Variants in DECR1 observed in about 807,000 individuals in gnomAD.
DECR1 encodes the protein 2,4-dienoyl-CoA reductase 1.
DECR1 carries 44 observed loss-of-function variants against 38.8 expected under a neutral mutation model. That is an observed-to-expected ratio of 1.13 (90% CI 0.89 to 1.46). The LOEUF (loss-of-function observed/expected upper bound fraction) is 1.46, where lower values mean the gene tolerates loss of function less well. DECR1 is among the 40% of genes most tolerant of loss of function. The pLI is 0.00. For synonymous variants in DECR1, 148 were observed against 135.2 expected (o/e 1.09, Z -0.66); for missense variants, 428 against 405.5 (o/e 1.06, Z -0.48).
At position 90,053,543 on chromosome 8, in the gene DECR1, G is replaced by A. The variant is rs1814144449; in HGVS notation, c.*1646G>A. Among the ~76,000 whole-genome samples the A allele has an allele frequency of 6.6e-6, 1 of 151,978 alleles. No homozygotes were observed. The highest frequency in any genetic ancestry group is 2.1e-4 in the South Asian group (1 of 4,826). ...CAAAGACACACTCTTTCCCTCCACT[G>A]ATTCCACCAGTATAGCCATATTTCT... On this transcript the variant is annotated 3_prime_UTR_variant, in exon 10 of 10. Coordinates refer to ENST00000220764, the MANE Select transcript of DECR1 (RefSeq NM_001359.2).
chr8:90,009,919 A>G (rs981174286), intron 1 of DECR1, among the ~76,000 whole-genome samples: 3 of 152,248 alleles, frequency 2.0e-5, no homozygotes, highest in Non-Finnish European at 4.4e-5. Flanking sequence ...AATGAGATGT[A>G]CACCCTATGG....
chr8:90,022,898 T>A (rs1444987796), intron 5 of DECR1, among the ~76,000 whole-genome samples: 1 of 152,218 alleles, frequency 6.6e-6, no homozygotes, highest in East Asian at 1.9e-4. Flanking sequence ...CACATTGGAT[T>A]AAAATTCTAT....
chr8:90,001,486 ACT>A lies in DECR1; in HGVS notation c.-5_-4del, dbSNP rs768324790. The A allele has an allele frequency of 6.2e-7, 1 of 1,613,708 alleles. No homozygotes were observed. Among genetic ancestry groups the A allele is most frequent in the Non-Finnish European group, 8.5e-7 (1 of 1,179,828 alleles). On this transcript the variant is annotated 5_prime_UTR_variant, in exon 1 of 10. Transcript: ENST00000220764. Reference sequence around the variant, plus strand: ...CCGCCTTCCGGCCCGAGTTCTGGAGACTCAACATGAAGCTACCGGCCAGGGTT... The same window carrying A: ...CCGCCTTCCGGCCCGAGTTCTGGAGACAACATGAAGCTACCGGCCAGGGTT...
chr8:90,007,190 A>G (rs887823708), intron 1 of DECR1, among the ~76,000 whole-genome samples: 31 of 152,222 alleles, frequency 2.0e-4, no homozygotes, highest in African/African-American at 6.7e-4. Flanking sequence ...AATCCTGAGT[A>G]CTTTGTTTTC....
At chr8:90,025,537 G>C (rs1813311088) in intron 5 of DECR1, among the ~76,000 whole-genome samples, 2 of 152,162 alleles carry the variant, frequency 1.3e-5, no homozygotes, top group Non-Finnish European at 2.9e-5. Context: ...TGTTATTGCT[G>C]TATAGGAATG....
chr8:90,053,076 G>C lies in DECR1; in HGVS notation c.*1179G>C, dbSNP rs528248976. Among the ~76,000 whole-genome samples, 4 of 152,080 alleles carry C rather than the reference G, an allele frequency of 2.6e-5. No individual in the cohort carries two copies. The highest frequency in any genetic ancestry group is 2.6e-4 in the Admixed American group (4 of 15,260). Reference sequence around the variant, plus strand: ...ATTTCCAATTATACTGACTTTCACTGGGCTTTTTTTTAGGCTGTTGCACTT... The same window carrying C: ...ATTTCCAATTATACTGACTTTCACTCGGCTTTTTTTTAGGCTGTTGCACTT... On this transcript the variant is annotated 3_prime_UTR_variant, in exon 10 of 10. Coordinates refer to ENST00000220764, the MANE Select transcript of DECR1 (RefSeq NM_001359.2).
At chr8:90,037,063 T>C in intron 6 of DECR1, 123 bp downstream of exon 6, 1 of 661,202 alleles carries the variant, frequency 1.5e-6, no homozygotes, top group South Asian at 1.9e-5. Context: ...GGATTCACCA[T>C]GAGACATACA....
rs576922720 is a variant in DECR1 at position 90,038,374 on chromosome 8, A to C, written c.665+1434A>C. ...ACTTTGTTTAATCCAATCTAGTGAG[A>C]GGACAAACACTAATAAATAGATTCT... On this transcript the variant is annotated intron_variant, in intron 6 of 9. Transcript: ENST00000220764. Among the ~76,000 whole-genome samples the C allele has an allele frequency of 4.0e-5, 6 of 151,776 alleles. No homozygotes were observed. In the South Asian group the frequency reaches 1.2e-3, roughly 31 times the overall value.
intron 5 of DECR1, among the ~76,000 whole-genome samples, chr8:90,033,893 T>G (rs1379987179): frequency 6.6e-6 from 1 of 152,204 alleles, no homozygotes; most frequent in African/African-American, 2.4e-5. Flanking sequence ...GCAGTTTTTT[T>G]TCTTTTGTAA....
intron 6 of DECR1, among the ~76,000 whole-genome samples, chr8:90,041,011 ATG>A (rs1238695094): frequency 1.3e-5 from 2 of 152,184 alleles, no homozygotes; most frequent in African/African-American, 4.8e-5. Context: ...GCTGGGTCAA[ATG>A]GTATTTCTAG....
chr8:90,053,618 ATAT>A lies in DECR1; in HGVS notation c.*1726_*1728del, dbSNP rs1018192818. The stretch of plus-strand genomic sequence containing the variant: ...TGTTTACATTTATATAACTTAATAA[ATAT>A]TATTTTTTTCCAGTGTTGTCTCAAC... On this transcript the variant is annotated 3_prime_UTR_variant, in exon 10 of 10. Transcript: ENST00000220764. 2.4e-4 allele frequency among the ~76,000 whole-genome samples: 36 copies of A among 152,076 alleles called. No homozygotes were observed. The highest frequency in any genetic ancestry group is 8.0e-4 in the African/African-American group (33 of 41,390).
In DECR1 at chr8:90,017,281, C is replaced by T. The variant is rs1813032215; in HGVS notation, c.227C>T (p.Thr76Ile). ...GGGTGLGKGM[T>I]TLLSSLGAQC... Reference sequence around the variant, plus strand: ...GGTACTGGCCTTGGTAAAGGAATGACAACTCTTCTGTCCAGCCTAGGTGCT... The same window carrying T: ...GGTACTGGCCTTGGTAAAGGAATGATAACTCTTCTGTCCAGCCTAGGTGCT... Residue 76 changes from threonine to isoleucine, a missense_variant, in exon 2 of 10, where the codon ACA (threonine) becomes ATA (isoleucine). Thr to Ile is a moderately conservative substitution (Grantham distance 89). Coordinates refer to ENST00000220764, the MANE Select transcript of DECR1 (RefSeq NM_001359.2). The T allele has an allele frequency of 6.2e-7, 1 of 1,614,174 alleles. No homozygotes were observed. Among genetic ancestry groups the T allele is most frequent in the Non-Finnish European group, 8.5e-7 (1 of 1,180,032 alleles).
intron 8 of DECR1, among the ~76,000 whole-genome samples, chr8:90,047,764 A>G (rs1172262613): frequency 9.2e-5 from 14 of 152,328 alleles, no homozygotes. Context: ...CTTATTCCAA[A>G]ATTGACCACA....
intron 5 of DECR1, among the ~76,000 whole-genome samples, chr8:90,025,518 CTGTT>C (rs1813310242): frequency 6.6e-6 from 1 of 152,156 alleles, no homozygotes; most frequent in African/African-American, 2.4e-5. Context: ...ATTTGGCTTT[CTGTT>C]TGTCTGTTAT....
rs78332945 is a variant in DECR1, at chr8:90,019,386, G to A, written c.417+214G>A. 7.1e-3 allele frequency among the ~76,000 whole-genome samples: 1,081 copies of A among 152,328 alleles called. 14 individuals are homozygous for A. The highest frequency in any genetic ancestry group is 0.024 in the African/African-American group (1,016 of 41,578). ...CAGCTTTATTGAAGCAGCAGCAGTG[G>A]AATGGATCTGTGACTGTTCCTTCAG... On this transcript the variant is annotated intron_variant, in intron 4 of 9. Transcript: ENST00000220764.
chr8:90,051,810 C>G, intron 9 of DECR1, 28 bp from the exon 10 acceptor site: 1 of 1,612,760 alleles, frequency 6.2e-7, no homozygotes, highest in Non-Finnish European at 8.5e-7. Flanking sequence ...GTAAAAAGGA[C>G]ATTAAATTGA....
intron 5 of DECR1, among the ~76,000 whole-genome samples, chr8:90,036,035 T>TA (rs2130124458): frequency 6.6e-6 from 1 of 152,302 alleles, no homozygotes; most frequent in South Asian, 2.1e-4. Context: ...TTGCATCACT[T>TA]ACAGCTTCCT....
chr8:90,033,836 A>G (rs761047268), intron 5 of DECR1, among the ~76,000 whole-genome samples: 3 of 152,186 alleles, frequency 2.0e-5, no homozygotes, highest in African/African-American at 7.2e-5. Context: ...GTTGAAAGAT[A>G]GTGCACTTTC....
intron 5 of DECR1, among the ~76,000 whole-genome samples, chr8:90,030,296 C>A (rs1225911509): frequency 6.6e-6 from 1 of 152,074 alleles, no homozygotes. Flanking sequence ...GTGTGGGGGT[C>A]CCCTGCTTTA....
Sources: gnomAD v4.1 joint callset for allele counts (sites outside exome capture counted in the v4.1 genomes callset) on GRCh38, gnomAD v4.1.1 for gene constraint, MANE v1.5 for transcripts, NCBI Gene and HGNC (gene_info 2026-07-23, HGNC 2026-07-21) for gene names.